The following URI1 variants were observed in gnomAD, a reference collection of about 807,000 sequenced individuals.
URI1 encodes the protein URI1 prefoldin like chaperone.
A neutral mutation model predicts 60.2 loss-of-function variants in URI1; 39 were observed. That is an observed-to-expected ratio of 0.65 (90% CI 0.50 to 0.85). The LOEUF is 0.85. Ranked by LOEUF, URI1 falls within the 40% of genes least tolerant of loss-of-function variation. The pLI, the probability that URI1 is intolerant of heterozygous loss-of-function variation, is 0.00. For missense variants in URI1, 691 were observed against 665.9 expected (o/e 1.04, Z -0.42); for synonymous variants, 251 against 236.8 (o/e 1.06, Z -0.55).
At chr19:29,956,808 A>G (rs1042958813) in intron 1 of URI1, 51 of 1,593,440 alleles carry the variant, frequency 3.2e-5, no homozygotes, top group Middle Eastern at 3.9e-4. Flanking sequence ...CTGTTACCCG[A>G]CCATTTGTCA....
chr19:29,926,249 T>TC (rs2054865590), intron 1 of URI1, among the ~76,000 whole-genome samples: 1 of 139,522 alleles, frequency 7.2e-6, no homozygotes, highest in South Asian at 2.5e-4. Context: ...CCTTCCTTCC[T>TC]TCCTTCCTTC....
chr19:29,924,568 C>A (rs1290445329), intron 1 of URI1, among the ~76,000 whole-genome samples: 1 of 152,212 alleles, frequency 6.6e-6, no homozygotes, highest in Non-Finnish European at 1.5e-5. Context: ...AGGGGCCAGG[C>A]CCTCCGTCTG....
chr19:30,000,011 A>T (rs1284429822), intron 4 of URI1, among the ~76,000 whole-genome samples: 4 of 149,026 alleles, frequency 2.7e-5, no homozygotes. Context: ...ATTATTAACT[A>T]CCTGTCTATA....
upstream of URI1, among the ~76,000 whole-genome samples, chr19:29,940,522 G>A (rs335027): frequency 1.0e-3 from 158 of 152,144 alleles, no homozygotes; most frequent in African/African-American, 3.4e-3. Context: ...GGTGGCACGC[G>A]CCTGTAGTCC....
intron 2 of URI1, among the ~76,000 whole-genome samples, chr19:29,974,170 A>T (rs944961404): frequency 6.6e-6 from 1 of 152,172 alleles, no homozygotes; most frequent in Non-Finnish European, 1.5e-5. Context: ...TAAAGTGATG[A>T]TGATACTACT....
Position 29,960,442 on chromosome 19 carries a change from C to T in URI1, c.118-10751C>T, listed in dbSNP as rs572360346. On this transcript the variant is annotated intron_variant, in intron 1 of 10. Coordinates refer to ENST00000392271, the MANE Select transcript of URI1 (RefSeq NM_003796.3). ...TTTAACCTTTGCTTTATATATTTTACAGCTATGTTATTCATTGTATACAAA... is the reference window on the plus strand; with the variant it reads ...TTTAACCTTTGCTTTATATATTTTATAGCTATGTTATTCATTGTATACAAA... Among the ~76,000 whole-genome samples, 4 of 151,976 alleles carry T rather than the reference C, an allele frequency of 2.6e-5. No homozygotes were observed. In the South Asian group the frequency reaches 6.2e-4, roughly 24 times the overall value.
intron 1 of URI1, among the ~76,000 whole-genome samples, chr19:29,970,545 T>G (rs183283110): frequency 6.6e-6 from 1 of 152,280 alleles, no homozygotes; most frequent in African/African-American, 2.4e-5. Flanking sequence ...ACTTTTGTAC[T>G]TAAATTCATT....
At chr19:29,927,559 G>GTTTTTTT (rs1172546783) in intron 1 of URI1, among the ~76,000 whole-genome samples, 4 of 86,490 alleles carry the variant, frequency 4.6e-5, no homozygotes, top group Admixed American at 1.5e-4. Context: ...ACTGCACCCG[G>GTTTTTTT]CTTTTTTTTT....
At chr19:29,998,527 T>A (rs2055840494) in intron 4 of URI1, among the ~76,000 whole-genome samples, 1 of 152,228 alleles carries the variant, frequency 6.6e-6, no homozygotes, top group South Asian at 2.1e-4. Flanking sequence ...AATTGTTGTA[T>A]CTTGATAGAT....
At chr19:29,995,047 G>A (rs2055794393) in intron 4 of URI1, among the ~76,000 whole-genome samples, 1 of 152,056 alleles carries the variant, frequency 6.6e-6, no homozygotes, top group South Asian at 2.1e-4. Context: ...CTCCCAAAGT[G>A]CTGGGATTAC....
rs149431701 is a variant in URI1, at chr19:29,975,687, G to C, written c.152+4460G>C. 1.8e-3 allele frequency among the ~76,000 whole-genome samples: 267 copies of C among 152,110 alleles called. 1 individual carries two copies. Among genetic ancestry groups the C allele is most frequent in the African/African-American group, 6.2e-3 (259 of 41,516 alleles). Reference sequence around the variant, plus strand: ...CCCAGCTAATTTTTTTAGTATTTTAGTAAAGACGGGGTTTCACCGTGTTGC... The same window carrying C: ...CCCAGCTAATTTTTTTAGTATTTTACTAAAGACGGGGTTTCACCGTGTTGC... On this transcript the variant is annotated intron_variant, in intron 2 of 10. Transcript: ENST00000392271.
At chr19:29,937,999 G>A (rs531854600), upstream of URI1, 1 of 152,158 alleles carries the variant, frequency 6.6e-6, no homozygotes, top group South Asian at 2.1e-4. Flanking sequence ...GTTTATTCAT[G>A]TCTCATGAGG....
chr19:29,959,369 C>T (rs910366585), intron 1 of URI1, among the ~76,000 whole-genome samples: 1 of 152,170 alleles, frequency 6.6e-6, no homozygotes, highest in Admixed American at 6.5e-5. Flanking sequence ...ATCAAGCTAT[C>T]CATCTGCCTT....
intron 4 of URI1, among the ~76,000 whole-genome samples, chr19:30,002,892 G>A (rs1365034307): frequency 2.6e-5 from 4 of 151,742 alleles, no homozygotes; most frequent in Admixed American, 2.6e-4. Flanking sequence ...TTTCAGTGTG[G>A]TTTGAAATTT....
At chr19:29,968,862 C>T (rs538649997) in intron 1 of URI1, among the ~76,000 whole-genome samples, 1 of 151,586 alleles carries the variant, frequency 6.6e-6, no homozygotes, top group Admixed American at 6.6e-5. Flanking sequence ...TGAGCCACCG[C>T]GTCTGACCAA....
chr19:29,961,531 T>C (rs1393195599), intron 1 of URI1, among the ~76,000 whole-genome samples: 3 of 152,180 alleles, frequency 2.0e-5, no homozygotes, highest in African/African-American at 7.2e-5. Context: ...TATTATAGAA[T>C]GTATTATGCA....
Position 30,011,243 on chromosome 19 carries a change from G to A in URI1, c.1178+7G>A. 1 of 1,597,390 alleles carries A rather than the reference G, an allele frequency of 6.3e-7. No individual in the cohort carries two copies. Among genetic ancestry groups the A allele is most frequent in the East Asian group, 2.2e-5 (1 of 44,506 alleles). On this transcript the variant is annotated splice_region_variant and intron_variant, in intron 9 of 10. Transcript: ENST00000392271. ...CGCCTGCAGACATTTACAGGTGGGA[G>A]GCGCTCACAGCTGCAGGGCAGTCTG... is the stretch of plus-strand genomic sequence containing the variant.
intron 2 of URI1, among the ~76,000 whole-genome samples, chr19:29,972,279 A>T (rs575510268): frequency 2.0e-5 from 3 of 152,202 alleles, no homozygotes; most frequent in South Asian, 2.1e-4. Context: ...TTTTCAATAA[A>T]TGCATCGTTG....
chr19:29,944,846 T>G (rs2055083628), intron 1 of URI1, among the ~76,000 whole-genome samples: 1 of 152,224 alleles, frequency 6.6e-6, no homozygotes, highest in Non-Finnish European at 1.5e-5. Context: ...ACTGATTAGA[T>G]AGCTGCACTG....
Sources: allele counts gnomAD v4.1 joint callset (sites outside exome capture counted in the v4.1 genomes callset), GRCh38; gene constraint gnomAD v4.1.1; transcripts MANE v1.5; gene names NCBI Gene and HGNC (gene_info 2026-07-23, HGNC 2026-07-21).